Variants in SLX4IP observed in about 807,000 individuals in gnomAD.
SLX4IP encodes protein SLX4IP.
SLX4IP carries 34 observed loss-of-function variants against 32.9 expected under a neutral mutation model. That is an observed-to-expected ratio of 1.03 (90% CI 0.79 to 1.38). The LOEUF is 1.38. Among genes scored for constraint, SLX4IP ranks in the 40% most tolerant of loss-of-function variants. The probability of loss-of-function intolerance (pLI) is 0.00; values close to 1 mark genes in which losing one functional copy is unlikely to be tolerated. For missense variants in SLX4IP, 444 were observed against 479.0 expected, an observed-to-expected ratio of 0.93 and a Z score of 0.68; for synonymous variants, 172 against 171.7, an observed-to-expected ratio of 1.00 and a Z score of -0.01.
At chr20:10,484,189 A>G (rs141998150) in intron 2 of SLX4IP, among the ~76,000 whole-genome samples, 1 of 152,228 alleles carries the variant, frequency 6.6e-6, no homozygotes, top group African/African-American at 2.4e-5. Context: ...CTCAGTCATG[A>G]ACCTAAGATA....
intron 1 of SLX4IP, among the ~76,000 whole-genome samples, chr20:10,455,725 T>C (rs545186889): frequency 6.6e-6 from 1 of 152,214 alleles, no homozygotes; most frequent in East Asian, 1.9e-4. Flanking sequence ...TTCTCGTGCT[T>C]CAGCCTTCCC....
chr20:10,468,417 A>G (rs772066592), intron 2 of SLX4IP, among the ~76,000 whole-genome samples: 1 of 152,142 alleles, frequency 6.6e-6, no homozygotes, highest in Non-Finnish European at 1.5e-5. Flanking sequence ...GATCAGGGTA[A>G]TTCCTTTTGT....
chr20:10,488,636 G>A (rs569535941), intron 2 of SLX4IP, among the ~76,000 whole-genome samples: 3 of 152,268 alleles, frequency 2.0e-5, no homozygotes, highest in Admixed American at 2.0e-4. Context: ...TAAAATAACA[G>A]TATTGGGGTA....
rs1020345473 is a variant in SLX4IP at position 10,556,340 on chromosome 20, T to A, written c.117+20T>A. 6.2e-7 allele frequency: 1 copy of A among 1,603,344 alleles called. No homozygotes were observed. The highest frequency in any genetic ancestry group is 1.7e-5 in the Admixed American group (1 of 58,910). On this transcript the variant is annotated intron_variant, in intron 3 of 7. Transcript: ENST00000334534. ...AAAGAGGTACAACAAAACTTTCTACTATTTAATTGCAAGTAGCTGCTGCTG... is the reference window on the plus strand; with the variant it reads ...AAAGAGGTACAACAAAACTTTCTACAATTTAATTGCAAGTAGCTGCTGCTG...
intron 2 of SLX4IP, among the ~76,000 whole-genome samples, chr20:10,554,489 C>T (rs912429196): frequency 2.0e-5 from 3 of 152,138 alleles, no homozygotes; most frequent in African/African-American, 7.2e-5. Flanking sequence ...AGTAAATGTA[C>T]GTTTAGCTAC....
chr20:10,467,424 C>T (rs2065389130), intron 2 of SLX4IP, among the ~76,000 whole-genome samples: 1 of 152,176 alleles, frequency 6.6e-6, no homozygotes, highest in Non-Finnish European at 1.5e-5. Flanking sequence ...AATGATTTTA[C>T]AGAGATTTGT....
Position 10,626,373 on chromosome 20 carries a change from A to G in SLX4IP, c.*2994A>G, listed in dbSNP as rs1424235152. 1 of 151,820 alleles carries G rather than the reference A, an allele frequency of 6.6e-6. No individual in the cohort carries two copies. The highest frequency in any genetic ancestry group is 6.6e-5 in the Admixed American group (1 of 15,236). The allele number at this position is 151,820 out of a possible 1,614,324, so 9.4% of individuals were successfully genotyped here. ...AATGATCTTAATAATTTGGCATCTG[A>G]AAGTCTGAAACAGTGTCAGTATTGT... is the stretch of plus-strand genomic sequence containing the variant. On this transcript the variant is annotated 3_prime_UTR_variant, in exon 8 of 8. Coordinates refer to ENST00000334534, the MANE Select transcript of SLX4IP (RefSeq NM_001009608.3).
intron 2 of SLX4IP, among the ~76,000 whole-genome samples, chr20:10,493,241 G>A (rs2065640358): frequency 6.6e-6 from 1 of 152,136 alleles, no homozygotes; most frequent in African/African-American, 2.4e-5. Context: ...AGATTAATTG[G>A]GGAGCATTGC....
chr20:10,503,028 G>A (rs1014123779), intron 2 of SLX4IP, among the ~76,000 whole-genome samples: 20 of 152,226 alleles, frequency 1.3e-4, no homozygotes, highest in African/African-American at 4.8e-4. Context: ...TGTGAGTCTG[G>A]TTCCTCCTCT....
intron 4 of SLX4IP, among the ~76,000 whole-genome samples, chr20:10,568,491 T>C (rs190956724): frequency 1.6e-4 from 25 of 152,352 alleles, no homozygotes; most frequent in African/African-American, 5.8e-4. Flanking sequence ...TCTGGAAGAA[T>C]CTCTGGCTAA....
intron 1 of SLX4IP, among the ~76,000 whole-genome samples, chr20:10,451,796 G>A (rs912461089): frequency 6.6e-6 from 1 of 151,542 alleles, no homozygotes; most frequent in African/African-American, 2.4e-5. Flanking sequence ...GTGAAACCCC[G>A]TCTCTACTAA....
rs796606164 is a variant in SLX4IP, at chr20:10,566,311, T to G, written c.238+5491T>G. ...TTTTTTTTTTTTTTTTTTTTTTTTT[T>G]GTCTATATACCTCTCTCCCTCCATT... On this transcript the variant is annotated intron_variant, in intron 4 of 7. Transcript: ENST00000334534. Among the ~76,000 whole-genome samples the G allele has an allele frequency of 7.9e-3, 961 of 121,172 alleles. 10 individuals carry two copies. Among genetic ancestry groups the G allele is most frequent in the African/African-American group, 0.026 (901 of 34,166 alleles). The allele number at this position is 121,172 out of a possible 152,430, so 79.5% of individuals were successfully genotyped here.
chr20:10,495,317 A>G (rs576417829), intron 2 of SLX4IP, among the ~76,000 whole-genome samples: 9 of 152,146 alleles, frequency 5.9e-5, no homozygotes, highest in South Asian at 2.1e-4. Flanking sequence ...AATATTTTCT[A>G]TTGTCAGTTT....
intron 2 of SLX4IP, among the ~76,000 whole-genome samples, chr20:10,502,146 G>A (rs986546774): frequency 2.0e-5 from 3 of 152,196 alleles, no homozygotes; most frequent in African/African-American, 7.2e-5. Flanking sequence ...CTCAGTGCTA[G>A]TAAAGGTGAG....
intron 4 of SLX4IP, among the ~76,000 whole-genome samples, chr20:10,584,696 A>G (rs1051279832): frequency 3.9e-5 from 6 of 152,196 alleles, no homozygotes; most frequent in African/African-American, 1.4e-4. Flanking sequence ...CAAGTGATTT[A>G]GATATGGGCA....
chr20:10,516,833 G>T (rs1025745407), intron 2 of SLX4IP, among the ~76,000 whole-genome samples: 1 of 152,168 alleles, frequency 6.6e-6, no homozygotes, highest in Non-Finnish European at 1.5e-5. Flanking sequence ...GGCTGTTATA[G>T]CTTTGTTCTA....
intron 1 of SLX4IP, among the ~76,000 whole-genome samples, chr20:10,453,562 A>G (rs892405690): frequency 4.6e-5 from 7 of 152,130 alleles, no homozygotes; most frequent in African/African-American, 1.4e-4. Flanking sequence ...AAACAGTTTT[A>G]TAAGAGCTTG....
chr20:10,625,842 A>G lies in SLX4IP; in HGVS notation c.*2463A>G, dbSNP rs1307441911. 4 of 152,066 alleles carry G rather than the reference A, an allele frequency of 2.6e-5. No homozygotes were observed. Among genetic ancestry groups the G allele is most frequent in the African/African-American group, 2.4e-5 (1 of 41,382 alleles). The allele number at this position is 152,066 out of a possible 1,614,324, so 9.4% of individuals were successfully genotyped here. ...TTGCCTTTAAGCATTTTTCTTGCAC[A>G]TGGCTGAAACACCCCTGGCTCTCTT... is the stretch of plus-strand genomic sequence containing the variant. On this transcript the variant is annotated 3_prime_UTR_variant, in exon 8 of 8. Coordinates refer to ENST00000334534, the MANE Select transcript of SLX4IP (RefSeq NM_001009608.3).
chr20:10,576,606 C>T (rs984150045), intron 4 of SLX4IP, among the ~76,000 whole-genome samples: 2 of 152,146 alleles, frequency 1.3e-5, no homozygotes, highest in African/African-American at 4.8e-5. Flanking sequence ...CACATGATCT[C>T]ACGCATAAAA....
Sources: gnomAD v4.1 joint callset for allele counts (sites outside exome capture counted in the v4.1 genomes callset) on GRCh38, gnomAD v4.1.1 for gene constraint, MANE v1.5 for transcripts, NCBI Gene and HGNC (gene_info 2026-07-23, HGNC 2026-07-21) for gene names.